The following SRD5A1 variants were observed in gnomAD, a reference collection of about 807,000 sequenced individuals.
SRD5A1 encodes 3-oxo-5-alpha-steroid 4-dehydrogenase 1.
SRD5A1 carries 22 observed loss-of-function variants against 28.2 expected under a neutral mutation model. The observed-to-expected ratio is 0.78, with a 90% confidence interval of 0.56 to 1.12. The LOEUF (loss-of-function observed/expected upper bound fraction) is 1.12. Among genes scored for constraint, SRD5A1 ranks in the 50% most tolerant of loss-of-function variants. The pLI, the probability that SRD5A1 is intolerant of heterozygous loss-of-function variation, is 0.00. For missense variants in SRD5A1, 300 were observed against 346.7 expected (o/e 0.87, Z 1.07); for synonymous variants, 151 against 135.0 (o/e 1.12, Z -0.82).
intron 1 of SRD5A1, among the ~76,000 whole-genome samples, chr5:6,642,605 G>A (rs1738397513): frequency 6.6e-6 from 1 of 152,176 alleles, no homozygotes; most frequent in African/African-American, 2.4e-5. Flanking sequence ...TGGAACAATG[G>A]CAGTTGTCAT....
intron 1 of SRD5A1, chr5:6,644,757 C>T (rs1738458670): frequency 7.4e-6 from 3 of 406,824 alleles, no homozygotes; most frequent in South Asian, 1.8e-5. Context: ...TATGACAGTC[C>T]AAGAAGCCCA....
chr5:6,662,989 C>T (rs1348444760), intron 4 of SRD5A1, 23 bp downstream of exon 4: 1 of 1,611,920 alleles, frequency 6.2e-7, no homozygotes, highest in Admixed American at 1.7e-5. Context: ...ACACTTTTAC[C>T]ATTTGTAATT....
chr5:6,639,233 A>G lies in SRD5A1; in HGVS notation c.293+5364A>G, dbSNP rs150288816. Among the ~76,000 whole-genome samples the G allele has an allele frequency of 4.0e-3, 609 of 152,360 alleles. 4 individuals are homozygous for G. Among genetic ancestry groups the G allele is most frequent in the African/African-American group, 0.014 (580 of 41,592 alleles). ...GCTTGCAAGACGACAAAACCCAAAC[A>G]TCTTACTTTAAACGCTTTAAAGAAT... On this transcript the variant is annotated intron_variant, in intron 1 of 4. Transcript: ENST00000274192.
At chr5:6,636,132 G>T (rs1006291087) in intron 1 of SRD5A1, among the ~76,000 whole-genome samples, 4 of 151,804 alleles carry the variant, frequency 2.6e-5, no homozygotes, top group Non-Finnish European at 5.9e-5. Context: ...TGTGGTTTGG[G>T]GACATTTACA....
chr5:6,649,784 G>A (rs766772169), intron 1 of SRD5A1, among the ~76,000 whole-genome samples: 54 of 152,124 alleles, frequency 3.5e-4, no homozygotes, highest in Admixed American at 6.5e-4. Flanking sequence ...ACCAGTCCCA[G>A]TGAGATAAGC....
At position 6,674,103 on chromosome 5, in the gene SRD5A1, T is replaced by G. The variant is rs946167705; in HGVS notation, c.*5835T>G. 2 of 151,728 alleles carry G rather than the reference T, an allele frequency of 1.3e-5. No homozygotes were observed. The highest frequency in any genetic ancestry group is 4.8e-5 in the African/African-American group (2 of 41,402). 9.4% of individuals were successfully genotyped at this position (151,728 alleles called of 1,614,324 possible). ...GCTAATGTAAACTCTGGATTTTTAT[T>G]AATAATATTATTTAATTAAAATGAT... On this transcript the variant is annotated 3_prime_UTR_variant, in exon 5 of 5. Transcript: ENST00000274192.
intron 1 of SRD5A1, among the ~76,000 whole-genome samples, chr5:6,651,581 G>A (rs1430543790): frequency 6.6e-6 from 1 of 152,136 alleles, no homozygotes; most frequent in Non-Finnish European, 1.5e-5. Context: ...GATCGCTTAA[G>A]CCCTGGAGCT....
At chr5:6,651,333 A>G (rs1431973982) in intron 1 of SRD5A1, among the ~76,000 whole-genome samples, 1 of 152,210 alleles carries the variant, frequency 6.6e-6, no homozygotes, top group Non-Finnish European at 1.5e-5. Flanking sequence ...TGTGGTAAAC[A>G]TGATTGAAAC....
At chr5:6,649,315 G>T (rs568180253) in intron 1 of SRD5A1, among the ~76,000 whole-genome samples, 1 of 152,102 alleles carries the variant, frequency 6.6e-6, no homozygotes, top group African/African-American at 2.4e-5. Context: ...CTGAAGCTGC[G>T]CCCAGAGCCG....
intron 3 of SRD5A1, among the ~76,000 whole-genome samples, chr5:6,656,898 G>A (rs934233503): frequency 3.3e-5 from 5 of 152,186 alleles, no homozygotes; most frequent in Admixed American, 1.3e-4. Context: ...ACAGCACCAT[G>A]AGGGAGAGCG....
intron 4 of SRD5A1, among the ~76,000 whole-genome samples, chr5:6,666,156 C>CT (rs962568901): frequency 9.1e-4 from 135 of 148,572 alleles, no homozygotes; most frequent in African/African-American, 8.6e-4. Flanking sequence ...TTATAATGTT[C>CT]TTTTTTTTTT....
chr5:6,643,102 T>C (rs1738412313), intron 1 of SRD5A1, among the ~76,000 whole-genome samples: 1 of 152,110 alleles, frequency 6.6e-6, no homozygotes, highest in African/African-American at 2.4e-5. Context: ...CCACTTTGGA[T>C]TCTACTAAAT....
chr5:6,650,475 C>T (rs529429403), intron 1 of SRD5A1, among the ~76,000 whole-genome samples: 4 of 151,644 alleles, frequency 2.6e-5, no homozygotes, highest in Admixed American at 2.0e-4. Flanking sequence ...AGTGATGTCC[C>T]CTCTTTCAAT....
chr5:6,636,317 C>T (rs1738184079), intron 1 of SRD5A1, among the ~76,000 whole-genome samples: 1 of 152,148 alleles, frequency 6.6e-6, no homozygotes, highest in South Asian at 2.1e-4. Flanking sequence ...CCTTTATTTG[C>T]ACAGGGCCCT....
At chr5:6,667,295 T>A (rs371711795) in intron 4 of SRD5A1, among the ~76,000 whole-genome samples, 6 of 152,178 alleles carry the variant, frequency 3.9e-5, no homozygotes, top group Admixed American at 3.9e-4. Context: ...ACATGCCTTT[T>A]TGGGGACACA....
chr5:6,658,080 G>A (rs1738884514), intron 3 of SRD5A1, among the ~76,000 whole-genome samples: 1 of 152,102 alleles, frequency 6.6e-6, no homozygotes, highest in Non-Finnish European at 1.5e-5. Flanking sequence ...ATCCCAGCAT[G>A]TTGAGAGGCC....
intron 3 of SRD5A1, among the ~76,000 whole-genome samples, chr5:6,659,887 C>T (rs1738953468): frequency 6.6e-6 from 1 of 152,210 alleles, no homozygotes; most frequent in Non-Finnish European, 1.5e-5. Context: ...TTGTGACCAG[C>T]TCCCTTCGCT....
chr5:6,659,330 G>A (rs953508797), intron 3 of SRD5A1, among the ~76,000 whole-genome samples: 2 of 151,902 alleles, frequency 1.3e-5, no homozygotes, highest in Non-Finnish European at 2.9e-5. Context: ...AGCCAGGATG[G>A]TCTCGATCTC....
intron 1 of SRD5A1, among the ~76,000 whole-genome samples, chr5:6,641,082 G>A (rs560805563): frequency 6.6e-6 from 1 of 152,306 alleles, no homozygotes; most frequent in East Asian, 1.9e-4. Flanking sequence ...GCCGCAGACT[G>A]ATGTGCTGTG....
Sources: allele counts gnomAD v4.1 joint callset (sites outside exome capture counted in the v4.1 genomes callset), GRCh38; gene constraint gnomAD v4.1.1; transcripts MANE v1.5; gene names NCBI Gene and HGNC (gene_info 2026-07-23, HGNC 2026-07-21).